The following BTBD9 variants were observed in gnomAD, a reference collection of about 807,000 sequenced individuals.
BTBD9 encodes the protein BTB domain containing 9.
Under a neutral mutation model 64.3 loss-of-function variants are expected in BTBD9, and 49 were observed. That is an observed-to-expected ratio of 0.76 (90% CI 0.61 to 0.97). The LOEUF (loss-of-function observed/expected upper bound fraction) is 0.97. Ranked by LOEUF, BTBD9 falls within the 50% of genes least tolerant of loss-of-function variation. The probability of loss-of-function intolerance (pLI) is 0.00; values close to 1 mark genes in which losing one functional copy is unlikely to be tolerated. For synonymous variants in BTBD9, 260 were observed against 274.7 expected, an observed-to-expected ratio of 0.95 and a Z score of 0.53; for missense variants, 598 against 762.1, an observed-to-expected ratio of 0.78 and a Z score of 2.53.
chr6:38,303,317 T>C (rs1762480732), intron 7 of BTBD9, among the ~76,000 whole-genome samples: 1 of 151,784 alleles, frequency 6.6e-6, no homozygotes, highest in Non-Finnish European at 1.5e-5. Flanking sequence ...TATTTTTGTA[T>C]AGGTAACATT....
chr6:38,402,640 C>T (rs1479829419), intron 6 of BTBD9, among the ~76,000 whole-genome samples: 1 of 152,166 alleles, frequency 6.6e-6, no homozygotes, highest in Non-Finnish European at 1.5e-5. Context: ...AGACTCTTGC[C>T]TCACACTGTA....
intron 9 of BTBD9, among the ~76,000 whole-genome samples, chr6:38,235,418 T>C (rs1403395295): frequency 1.3e-5 from 2 of 152,164 alleles, no homozygotes; most frequent in Non-Finnish European, 2.9e-5. Flanking sequence ...AGGGCTGACA[T>C]GCAAACAGAG....
In BTBD9 at chr6:38,182,500, C is replaced by G. The variant is rs1162210241; in HGVS notation, c.1642-7318G>C. On this transcript the variant is annotated intron_variant, in intron 10 of 10. Coordinates refer to ENST00000481247, the MANE Select transcript of BTBD9 (RefSeq NM_001099272.2). ...GAATCTCCCCACCTGATAGATGTGG[C>G]CTCACCAGGGCCCCCTTCCCACACC... Among the ~76,000 whole-genome samples the G allele has an allele frequency of 3.3e-5, 5 of 152,180 alleles. No individual in the cohort carries two copies. The East Asian group carries it at 7.7e-4, about 23-fold the overall frequency.
At chr6:38,494,220 A>G (rs1399119928) in intron 6 of BTBD9, among the ~76,000 whole-genome samples, 5 of 152,226 alleles carry the variant, frequency 3.3e-5, no homozygotes, top group Non-Finnish European at 2.9e-5. Flanking sequence ...TTAAGCTGGT[A>G]ACATTAGCTC....
chr6:38,277,727 A>T lies in BTBD9; in HGVS notation c.1454+10545T>A, dbSNP rs766133584. Among the ~76,000 whole-genome samples, 2 of 152,232 alleles carry T rather than the reference A, an allele frequency of 1.3e-5. 1 individual carries two copies. Among genetic ancestry groups the T allele is most frequent in the East Asian group, 3.8e-4 (2 of 5,198 alleles). Reference sequence around the variant, plus strand: ...TCCAGAAGCTGTGGACTCTAAGGGAAGCTTTTAAAAATAAAAGGGAAAAAG... The same window carrying T: ...TCCAGAAGCTGTGGACTCTAAGGGATGCTTTTAAAAATAAAAGGGAAAAAG... On this transcript the variant is annotated intron_variant, in intron 8 of 10. Transcript: ENST00000481247.
intron 1 of BTBD9, among the ~76,000 whole-genome samples, chr6:38,610,282 T>A (rs1226898911): frequency 1.3e-5 from 2 of 152,210 alleles, no homozygotes; most frequent in African/African-American, 2.4e-5. Context: ...CAGCCGCTGA[T>A]AACGAAACAA....
chr6:38,312,866 T>C (rs1322155980), intron 7 of BTBD9, among the ~76,000 whole-genome samples: 3 of 152,214 alleles, frequency 2.0e-5, no homozygotes, highest in African/African-American at 7.2e-5. Flanking sequence ...TTCTTTTTGT[T>C]CAGGACATCT....
chr6:38,348,424 T>C (rs1016897855), intron 6 of BTBD9, among the ~76,000 whole-genome samples: 1 of 152,204 alleles, frequency 6.6e-6, no homozygotes, highest in African/African-American at 2.4e-5. Flanking sequence ...CATCAGTGTG[T>C]AGAGAGGAGA....
intron 7 of BTBD9, among the ~76,000 whole-genome samples, chr6:38,294,344 T>C (rs1030232754): frequency 6.6e-6 from 1 of 152,204 alleles, no homozygotes; most frequent in Non-Finnish European, 1.5e-5. Context: ...TTATAAATCA[T>C]GCTGCTATAA....
chr6:38,490,194 C>T (rs1466710729), intron 6 of BTBD9, among the ~76,000 whole-genome samples: 3 of 152,184 alleles, frequency 2.0e-5, no homozygotes, highest in African/African-American at 7.2e-5. Context: ...GGCCCAGATG[C>T]TTGTCCTGGG....
At chr6:38,387,366 G>A (rs1381088431) in intron 6 of BTBD9, among the ~76,000 whole-genome samples, 5 of 152,000 alleles carry the variant, frequency 3.3e-5, no homozygotes, top group Admixed American at 6.6e-5. Flanking sequence ...GTGAAACCCC[G>A]TCTCTACTAA....
chr6:38,587,858 G>A, intron 4 of BTBD9: 1 of 721,888 alleles, frequency 1.4e-6, no homozygotes, highest in Non-Finnish European at 2.6e-6. Context: ...AAACCAAGAT[G>A]AAATAAAAAA....
intron 6 of BTBD9, among the ~76,000 whole-genome samples, chr6:38,506,376 G>A (rs1366335702): frequency 6.6e-6 from 1 of 152,232 alleles, no homozygotes; most frequent in African/African-American, 2.4e-5. Flanking sequence ...TCCATAAACA[G>A]TGTTGGATGC....
At chr6:38,314,845 GATTA>G (rs895491797) in intron 7 of BTBD9, among the ~76,000 whole-genome samples, 10 of 151,930 alleles carry the variant, frequency 6.6e-5, no homozygotes, top group African/African-American at 2.4e-4. Flanking sequence ...ATTCATCTCT[GATTA>G]ATTAATTTAT....
intron 7 of BTBD9, among the ~76,000 whole-genome samples, chr6:38,306,020 A>G (rs144754156): frequency 3.3e-5 from 5 of 152,348 alleles, no homozygotes; most frequent in Non-Finnish European, 5.9e-5. Flanking sequence ...AATGGTTTGA[A>G]TAAGTTCTGT....
intron 6 of BTBD9, among the ~76,000 whole-genome samples, chr6:38,487,639 GAGGAA>G (rs749140294): frequency 2.4e-4 from 36 of 148,500 alleles, no homozygotes; most frequent in Non-Finnish European, 4.2e-4. Flanking sequence ...AGGAAAGAAA[GAGGAA>G]AGGAAAGGAA....
intron 9 of BTBD9, among the ~76,000 whole-genome samples, chr6:38,221,747 C>A (rs1763203781): frequency 6.6e-6 from 1 of 152,194 alleles, no homozygotes; most frequent in Non-Finnish European, 1.5e-5. Flanking sequence ...AATCCCAGCA[C>A]TTTGGTAGGC....
chr6:38,296,311 T>C (rs1762157802), intron 7 of BTBD9, among the ~76,000 whole-genome samples: 1 of 152,210 alleles, frequency 6.6e-6, no homozygotes, highest in Non-Finnish European at 1.5e-5. Flanking sequence ...TAGCTCTTTT[T>C]CATTCAAAGT....
chr6:38,386,628 CTCTT>C (rs1766179857), intron 6 of BTBD9, among the ~76,000 whole-genome samples: 2 of 122,326 alleles, frequency 1.6e-5, no homozygotes, highest in Non-Finnish European at 3.3e-5. Context: ...TTCCAGTTTA[CTCTT>C]TTTTTTTTTT....
Sources: gnomAD v4.1 joint callset for allele counts (sites outside exome capture counted in the v4.1 genomes callset) on GRCh38, gnomAD v4.1.1 for gene constraint, MANE v1.5 for transcripts, NCBI Gene and HGNC (gene_info 2026-07-23, HGNC 2026-07-21) for gene names.